Variants in SERPIND1 observed in about 807,000 individuals in gnomAD.
The protein encoded by SERPIND1 is heparin cofactor 2.
Under a neutral mutation model 35.0 loss-of-function variants are expected in SERPIND1, and 34 were observed. The observed-to-expected ratio is 0.97, with a 90% CI of 0.74 to 1.29. The LOEUF is 1.29. Among genes scored for constraint, SERPIND1 ranks in the 50% most tolerant of loss-of-function variants. The pLI is 0.00. For missense variants in SERPIND1, 633 were observed against 637.7 expected, an observed-to-expected ratio of 0.99 and a Z score of 0.08; for synonymous variants, 236 against 241.1, an observed-to-expected ratio of 0.98 and a Z score of 0.19.
intron 1 of SERPIND1, among the ~76,000 whole-genome samples, chr22:20,775,402 C>CT (rs1387643604): frequency 6.6e-6 from 1 of 152,148 alleles, no homozygotes; most frequent in African/African-American, 2.4e-5. Context: ...ATATTTTCTC[C>CT]TTCCTCTGGT....
At chr22:20,780,320 A>C in intron 2 of SERPIND1, 119 bp downstream of exon 2, 1 of 1,485,320 alleles carries the variant, frequency 6.7e-7, no homozygotes, top group Admixed American at 1.7e-5. Flanking sequence ...ACTAGACACA[A>C]GATTGACTCT....
chr22:20,784,299 G>C (rs1296550053), intron 3 of SERPIND1, 54 bp downstream of exon 3: 22 of 1,611,160 alleles, frequency 1.4e-5, no homozygotes, highest in Non-Finnish European at 1.8e-5. Flanking sequence ...GGGGGTGTCT[G>C]GGAATACTGG....
rs759394435 is a variant in SERPIND1 at position 20,786,908 on chromosome 22, GA to G, written c.1344del (p.Gly449AlafsTer7). The G allele has an allele frequency of 8.7e-6, 14 of 1,614,136 alleles. No individual in the cohort carries two copies. The highest frequency in any genetic ancestry group is 1.2e-5 in the Non-Finnish European group (14 of 1,180,024). On this transcript the variant is annotated frameshift_variant, in exon 5 of 5. Transcript: ENST00000215727. LOFTEE classifies it high-confidence loss of function. Reference sequence around the variant, plus strand: ...CCAAGGCACGATCACAGTGAACGAGGAAGGCACCCAAGCCACCACTGTGACC... The same window carrying G: ...CCAAGGCACGATCACAGTGAACGAGGAGGCACCCAAGCCACCACTGTGACC... ...KHQGTITVNEEGTQATTVTTV... is the reference protein window; with the variant it reads ...KHQGTITVNEXGTQATTVTTV...
intron 4 of SERPIND1, among the ~76,000 whole-genome samples, chr22:20,786,526 A>G (rs1169702671): frequency 1.3e-5 from 2 of 152,172 alleles, no homozygotes; most frequent in Non-Finnish European, 2.9e-5. Flanking sequence ...GCGCTCAGCA[A>G]AAGAGAGAGA....
At position 20,787,294 on chromosome 22, in the gene SERPIND1, T is replaced by C; in HGVS notation, c.*228T>C. 4 of 565,156 alleles carry C rather than the reference T, an allele frequency of 7.1e-6. No homozygotes were observed. Among genetic ancestry groups the C allele is most frequent in the Admixed American group, 2.9e-5 (1 of 34,082 alleles). The allele number at this position is 565,156 out of a possible 1,614,324, so 35.0% of individuals were successfully genotyped here. A position where few individuals can be genotyped will look rare whatever the true frequency, so the allele number is the denominator to read the frequency against. On this transcript the variant is annotated 3_prime_UTR_variant, in exon 5 of 5. Coordinates refer to ENST00000215727, the MANE Select transcript of SERPIND1 (RefSeq NM_000185.4). ...CTCATAGAAGTCACTGTAACTGTAG[T>C]GTGTCTGCTGTTACCTAGAGGGTCT...
At chr22:20,776,488 A>G (rs535651295) in intron 1 of SERPIND1, among the ~76,000 whole-genome samples, 39 of 152,322 alleles carry the variant, frequency 2.6e-4, no homozygotes, top group East Asian at 7.7e-4. Context: ...GTGCAATTCA[A>G]AAGTCTTTCT....
rs1933571674 is a variant in SERPIND1, at chr22:20,779,453, C to T, written c.141C>T (p.Asn47=). Residue 47 remains asparagine, a synonymous_variant, in exon 2 of 5, where the codon AAC becomes AAT. Coordinates refer to ENST00000215727, the MANE Select transcript of SERPIND1 (RefSeq NM_000185.4). The part of the protein sequence containing the change: ...SADPQWEQLN[N]KNLSMPLLPA... ...ATCCCCAGTGGGAGCAGTTAAATAA[C>T]AAAAACCTGAGCATGCCTCTTCTCC... 4 of 1,614,034 alleles carry T rather than the reference C, an allele frequency of 2.5e-6. No individual in the cohort carries two copies. In the South Asian group the frequency reaches 4.4e-5, roughly 18 times the overall value.
chr22:20,777,649 G>C (rs887449211), intron 1 of SERPIND1, among the ~76,000 whole-genome samples: 2 of 152,212 alleles, frequency 1.3e-5, no homozygotes, highest in Non-Finnish European at 2.9e-5. Context: ...ACAGCGCCTG[G>C]CCGGCAGTTC....
chr22:20,784,108 C>A lies in SERPIND1; in HGVS notation c.1026C>A (p.Cys342Ter). The part of the protein sequence containing the change: ...FLAANDQELD[C>*]DILQLEYVGG... ...CAGCAAATGACCAGGAGCTGGACTGCGACATCCTCCAGCTGGAATACGTGG... is the reference window on the plus strand; with the variant it reads ...CAGCAAATGACCAGGAGCTGGACTGAGACATCCTCCAGCTGGAATACGTGG... Residue 342 changes from cysteine to a stop codon, truncating the protein, a stop_gained, in exon 3 of 5, where the codon TGC becomes TGA. Coordinates refer to ENST00000215727, the MANE Select transcript of SERPIND1 (RefSeq NM_000185.4). LOFTEE classifies it high-confidence loss of function. The A allele has an allele frequency of 3.7e-6, 6 of 1,614,122 alleles. No individual in the cohort carries two copies. The highest frequency in any genetic ancestry group is 5.1e-6 in the Non-Finnish European group (6 of 1,180,024).
At chr22:20,778,448 A>T (rs988255247) in intron 1 of SERPIND1, among the ~76,000 whole-genome samples, 26 of 152,210 alleles carry the variant, frequency 1.7e-4, no homozygotes, top group Middle Eastern at 3.4e-3. Context: ...AAGTTGCAGT[A>T]AGCCGAGATC....
chr22:20,776,755 T>C (rs1401220215), intron 1 of SERPIND1, among the ~76,000 whole-genome samples: 1 of 152,016 alleles, frequency 6.6e-6, no homozygotes, highest in African/African-American at 2.4e-5. Context: ...TCCTGATATA[T>C]AAAATGTTGG....
At chr22:20,776,855 T>C (rs1460107886) in intron 1 of SERPIND1, among the ~76,000 whole-genome samples, 1 of 152,134 alleles carries the variant, frequency 6.6e-6, no homozygotes, top group Non-Finnish European at 1.5e-5. Context: ...ACTGACAGCA[T>C]TTCAAGCAGA....
At position 20,784,030 on chromosome 22, in the gene SERPIND1, T is replaced by C. The variant is rs144743783; in HGVS notation, c.948T>C (p.Asn316=). 37 of 1,613,894 alleles carry C rather than the reference T, an allele frequency of 2.3e-5. No individual in the cohort carries two copies. The African/African-American group carries it at 4.4e-4, about 19-fold the overall frequency. Reference sequence around the variant, plus strand: ...CACACAACCACAACTTCCGGCTGAATGAGAGAGAGGTAGTTAAGGTTTCCA... The same window carrying C: ...CACACAACCACAACTTCCGGCTGAACGAGAGAGAGGTAGTTAAGGTTTCCA... ...EMTHNHNFRL[N]EREVVKVSMM... is the part of the protein sequence containing the mutation. The change falls in exon 3 of 5, where the codon AAT becomes AAC. Residue 316 remains asparagine, a synonymous_variant. Transcript: ENST00000215727.
intron 1 of SERPIND1, among the ~76,000 whole-genome samples, chr22:20,778,549 A>AAAC (rs1392395818): frequency 6.6e-6 from 1 of 152,140 alleles, no homozygotes; most frequent in Non-Finnish European, 1.5e-5. Flanking sequence ...AACAACAAAA[A>AAAC]AACAACGAAT....
rs1371284224 is a variant in SERPIND1, at chr22:20,784,180, G to T, written c.1098G>T (p.Met366Ile). The change falls in exon 3 of 5, where the codon ATG (methionine) becomes ATT (isoleucine). Residue 366 changes from methionine (M) to isoleucine (I), a missense_variant. Physicochemically the swap from Met to Ile is conservative, Grantham distance 10 (BLOSUM62 1). Coordinates refer to ENST00000215727, the MANE Select transcript of SERPIND1 (RefSeq NM_000185.4). ...TGGTCCCACACAAGATGTCTGGGAT[G>T]AAGACCCTCGAAGCGCAACTGACAC... is the stretch of plus-strand genomic sequence containing the variant. ...LIVVPHKMSG[M>I]KTLEAQLTPR... The T allele has an allele frequency of 3.7e-6, 6 of 1,614,088 alleles. No individual in the cohort carries two copies. Among genetic ancestry groups the T allele is most frequent in the Non-Finnish European group, 5.1e-6 (6 of 1,180,056 alleles).
Position 20,779,918 on chromosome 22 carries a change from C to T in SERPIND1, c.606C>T (p.Phe202=). The T allele has an allele frequency of 1.2e-6, 2 of 1,614,236 alleles. No homozygotes were observed. Among genetic ancestry groups the T allele is most frequent in the Non-Finnish European group, 1.7e-6 (2 of 1,180,042 alleles). The change falls in exon 2 of 5, where the codon TTC becomes TTT. Residue 202 remains phenylalanine, a synonymous_variant. Coordinates refer to ENST00000215727, the MANE Select transcript of SERPIND1 (RefSeq NM_000185.4). Reference sequence around the variant, plus strand: ...AAATCACGACCATTCATAATCTCTTCCGTAAGCTGACTCATCGCCTCTTCA... The same window carrying T: ...AAATCACGACCATTCATAATCTCTTTCGTAAGCTGACTCATCGCCTCTTCA... ...KYEITTIHNL[F]RKLTHRLFRR... is the part of the protein sequence containing the mutation.
At chr22:20,780,335 C>G (rs1345440584) in intron 2 of SERPIND1, 134 bp downstream of exon 2, 2 of 1,400,474 alleles carry the variant, frequency 1.4e-6, no homozygotes, top group African/African-American at 1.4e-5. Context: ...GACTCTGGAA[C>G]GGGGACAGGG....
chr22:20,778,825 C>T (rs1347254614), intron 1 of SERPIND1, among the ~76,000 whole-genome samples: 1 of 152,178 alleles, frequency 6.6e-6, no homozygotes, highest in African/African-American at 2.4e-5. Context: ...TAGAGCCACA[C>T]CCCTTTCCGT....
chr22:20,783,002 C>T (rs1933917125), intron 2 of SERPIND1, among the ~76,000 whole-genome samples: 2 of 152,150 alleles, frequency 1.3e-5, no homozygotes, highest in Non-Finnish European at 2.9e-5. Context: ...CTTTGTGCCT[C>T]TGTTTCCTCA....
Sources: gnomAD v4.1 joint callset for allele counts (sites outside exome capture counted in the v4.1 genomes callset) on GRCh38, gnomAD v4.1.1 for gene constraint, MANE v1.5 for transcripts, NCBI Gene and HGNC (gene_info 2026-07-23, HGNC 2026-07-21) for gene names.